The following REEP5 variants were observed in gnomAD, a reference collection of about 807,000 sequenced individuals.
REEP5 encodes the protein receptor accessory protein 5.
REEP5 carries 24 observed loss-of-function variants against 22.4 expected under a neutral mutation model. The observed-to-expected ratio is 1.07, with a 90% CI of 0.78 to 1.51. The LOEUF is 1.51. Among genes scored for constraint, REEP5 ranks in the 40% most tolerant of loss-of-function variants. The probability of loss-of-function intolerance (pLI) is 0.00; values close to 1 mark genes in which losing one functional copy is unlikely to be tolerated. For missense variants in REEP5, 252 were observed against 233.0 expected, an observed-to-expected ratio of 1.08 and a Z score of -0.53; for synonymous variants, 103 against 88.6, an observed-to-expected ratio of 1.16 and a Z score of -0.92.
At position 112,922,218 on chromosome 5, in the gene REEP5, T is replaced by C. The variant is rs755786890; in HGVS notation, c.-28A>G. On this transcript the variant is annotated 5_prime_UTR_variant, in exon 1 of 5. Transcript: ENST00000379638. ...CGGGGACCGTCTCGCCGCTCGGGGC[T>C]GTTCCTAGTGCCGGATAGACTGGAG... is the stretch of plus-strand genomic sequence containing the variant. The C allele has an allele frequency of 2.5e-6, 4 of 1,594,240 alleles. No homozygotes were observed. The highest frequency in any genetic ancestry group is 3.5e-5 in the Admixed American group (2 of 57,884).
intron 4 of REEP5, among the ~76,000 whole-genome samples, chr5:112,883,698 A>T (rs78464243): frequency 0.023 from 3,549 of 152,250 alleles, 129 homozygotes; most frequent in African/African-American, 0.08. Flanking sequence ...CCTGTATCCA[A>T]CTAGCTATTT....
At chr5:112,893,748 A>G (rs147803305) in intron 3 of REEP5, 4 of 152,354 alleles carry the variant, frequency 2.6e-5, no homozygotes, top group African/African-American at 7.2e-5. Flanking sequence ...CACACACACA[A>G]TGGTAGACTA....
intron 4 of REEP5, among the ~76,000 whole-genome samples, chr5:112,879,755 C>T (rs900431964): frequency 3.1e-4 from 47 of 152,008 alleles, no homozygotes; most frequent in African/African-American, 1.0e-3. Context: ...GGATTACAGA[C>T]GTAAGCCACC....
intron 4 of REEP5, among the ~76,000 whole-genome samples, chr5:112,886,277 G>A (rs995804397): frequency 1.3e-5 from 2 of 152,198 alleles, no homozygotes; most frequent in Non-Finnish European, 2.9e-5. Context: ...TTGGCATCCA[G>A]CAGTCCAAGG....
rs777460816 is a variant in REEP5, at chr5:112,887,033, C to G, written c.502G>C (p.Asp168His). Residue 168 changes from aspartate to histidine, a missense_variant, in exon 4 of 5, where the codon GAT becomes CAT. By Grantham distance (81) the Asp-to-His change is moderately conservative (BLOSUM62 -1). Coordinates refer to ENST00000379638, the MANE Select transcript of REEP5 (RefSeq NM_005669.5). ...GTCTTACCTTCTTTAGTGATGGCAT[C>G]TGCAGTCTCTTTGGCCTTGTCTTTA... ...DLKDKAKETA[D>H]AITKEAKKAT... The G allele has an allele frequency of 6.2e-7, 1 of 1,609,358 alleles. No homozygotes were observed. Among genetic ancestry groups the G allele is most frequent in the Non-Finnish European group, 8.5e-7 (1 of 1,176,520 alleles).
chr5:112,908,108 T>G (rs112539360), intron 2 of REEP5, among the ~76,000 whole-genome samples: 10,055 of 147,180 alleles, frequency 0.068, 463 homozygotes, highest in South Asian at 0.14. Flanking sequence ...TTTGTTTTTT[T>G]TTTTTTTTTT....
chr5:112,897,372 C>A (rs1364565480), intron 3 of REEP5: 1 of 151,356 alleles, frequency 6.6e-6, no homozygotes, highest in Non-Finnish European at 1.5e-5. Context: ...CACACACACA[C>A]ACACACACAC....
At chr5:112,893,197 G>A in intron 3 of REEP5, 1 of 457,322 alleles carries the variant, frequency 2.2e-6, no homozygotes, top group Non-Finnish European at 3.8e-6. Context: ...ATCACTTGAG[G>A]TCAGGAGTTT....
chr5:112,908,092 T>G lies in REEP5; in HGVS notation c.213-5574A>C, dbSNP rs1367277309. On this transcript the variant is annotated intron_variant, in intron 2 of 4. Coordinates refer to ENST00000379638, the MANE Select transcript of REEP5 (RefSeq NM_005669.5). The stretch of plus-strand genomic sequence containing the variant: ...AAAGAATGAGCATCAGAGACTTTCT[T>G]TGTTTTTTGTTTTTTTTTTTTTTTT... 5.9e-3 allele frequency among the ~76,000 whole-genome samples: 526 copies of G among 89,272 alleles called. 7 individuals are homozygous for G. The highest frequency in any genetic ancestry group is 0.017 in the African/African-American group (494 of 28,760). The allele number at this position is 89,272 out of a possible 152,430, so 58.6% of individuals were successfully genotyped here. A position where few individuals can be genotyped will look rare whatever the true frequency, so the allele number is the denominator to read the frequency against.
intron 2 of REEP5, among the ~76,000 whole-genome samples, chr5:112,909,107 A>G (rs1561658125): frequency 2.0e-5 from 3 of 151,394 alleles, no homozygotes; most frequent in Admixed American, 1.3e-4. Context: ...ATTTCTTCTC[A>G]GTGCTTTTCT....
chr5:112,885,832 T>A, intron 4 of REEP5: 1 of 202,162 alleles, frequency 4.9e-6, no homozygotes, highest in Non-Finnish European at 1.1e-5. Flanking sequence ...AGGAAGCACC[T>A]CTCAGCCTTT....
rs1309644754 is a variant in REEP5 at position 112,877,511 on chromosome 5, G to A, written c.*1275C>T. On this transcript the variant is annotated 3_prime_UTR_variant, in exon 5 of 5. Coordinates refer to ENST00000379638, the MANE Select transcript of REEP5 (RefSeq NM_005669.5). Reference sequence around the variant, plus strand: ...TTTACTGTTCTGTACTTACTATGTAGTCATGTGCAGCTTATCAACACAAAG... The same window carrying A: ...TTTACTGTTCTGTACTTACTATGTAATCATGTGCAGCTTATCAACACAAAG... 2.0e-5 allele frequency: 3 copies of A among 152,114 alleles called. No individual in the cohort carries two copies. Among genetic ancestry groups the A allele is most frequent in the African/African-American group, 7.2e-5 (3 of 41,414 alleles). 9.4% of individuals were successfully genotyped at this position (152,114 alleles called of 1,614,324 possible). A position where few individuals can be genotyped will look rare whatever the true frequency, so the allele number is the denominator to read the frequency against.
chr5:112,893,200 AG>A lies in REEP5; in HGVS notation c.352-6018del, dbSNP rs535562987. The A allele has an allele frequency of 7.8e-4, 339 of 436,710 alleles. 1 individual carries two copies. Among genetic ancestry groups the A allele is most frequent in the African/African-American group, 5.9e-3 (289 of 49,134 alleles). The allele number at this position is 436,710 out of a possible 1,614,324, so 27.1% of individuals were successfully genotyped here. On this transcript the variant is annotated intron_variant, in intron 3 of 4. Transcript: ENST00000379638. ...TGAGGTGGGTGGATCACTTGAGGTC[AG>A]GAGTTTGAGGCCAGCCTGGCCAACA...
At chr5:112,891,611 T>A (rs1768450591) in intron 3 of REEP5, 2 of 1,574,190 alleles carry the variant, frequency 1.3e-6, no homozygotes, top group African/African-American at 1.4e-5. Context: ...AGGTTAAGAA[T>A]GTCTGAGGGG....
intron 4 of REEP5, among the ~76,000 whole-genome samples, chr5:112,879,567 G>A (rs1183057068): frequency 2.6e-5 from 4 of 152,040 alleles, no homozygotes; most frequent in Non-Finnish European, 4.4e-5. Context: ...TCTGCCTCCC[G>A]GGTTCATGCC....
chr5:112,899,950 TTTTAAAGCA>T (rs1278463822), intron 3 of REEP5, among the ~76,000 whole-genome samples: 1 of 152,024 alleles, frequency 6.6e-6, no homozygotes, highest in African/African-American at 2.4e-5. Context: ...AAGTTTGGGG[TTTTAAAGCA>T]TTTAGGATTT....
chr5:112,891,915 A>T, intron 3 of REEP5: 2 of 1,306,386 alleles, frequency 1.5e-6, no homozygotes, highest in Admixed American at 1.7e-5. Flanking sequence ...AAGAATTCAG[A>T]ATAAAGAAGG....
At chr5:112,915,579 TTTAAA>T (rs1769213615) in intron 2 of REEP5, among the ~76,000 whole-genome samples, 1 of 152,218 alleles carries the variant, frequency 6.6e-6, no homozygotes, top group South Asian at 2.1e-4. Flanking sequence ...AGATTTCAGA[TTTAAA>T]TTAAGTAAAT....
chr5:112,885,727 C>T (rs1225563659), intron 4 of REEP5: 2 of 300,070 alleles, frequency 6.7e-6, no homozygotes, highest in Non-Finnish European at 1.4e-5. Context: ...ATCAGCCAAG[C>T]TTGAAGCTAT....
Sources: allele counts gnomAD v4.1 joint callset (sites outside exome capture counted in the v4.1 genomes callset), GRCh38; gene constraint gnomAD v4.1.1; transcripts MANE v1.5; gene names NCBI Gene and HGNC (gene_info 2026-07-23, HGNC 2026-07-21).